Variants in BDNF observed in about 807,000 individuals in gnomAD.
BDNF encodes brain derived neurotrophic factor.
A neutral mutation model predicts 19.5 loss-of-function variants in BDNF; 1 was observed. The ratio of observed to expected loss-of-function variants is 0.05; its 90% CI spans 0.02 to 0.24. The LOEUF is 0.24. Ranked by LOEUF, BDNF falls within the 10% of genes least tolerant of loss-of-function variation. The pLI, the probability that BDNF is intolerant of heterozygous loss-of-function variation, is 1.00. For synonymous variants in BDNF, 100 were observed against 121.6 expected (o/e 0.82, Z 1.17); for missense variants, 195 against 317.6 (o/e 0.61, Z 2.93).
intron 1 of BDNF, among the ~76,000 whole-genome samples, chr11:27,708,623 A>G (rs1200209970): frequency 6.6e-6 from 1 of 152,102 alleles, no homozygotes; most frequent in Non-Finnish European, 1.5e-5. Context: ...TAAGAGCACA[A>G]TTTTAGAAGA....
At chr11:27,708,985 C>T (rs2134101675) in intron 1 of BDNF, among the ~76,000 whole-genome samples, 1 of 151,984 alleles carries the variant, frequency 6.6e-6, no homozygotes, top group East Asian at 1.9e-4. Context: ...TGCGCCACCA[C>T]ACTTGGCTCA....
At chr11:27,697,314 T>C (rs574603360) in intron 1 of BDNF, among the ~76,000 whole-genome samples, 60 of 152,340 alleles carry the variant, frequency 3.9e-4, no homozygotes, top group African/African-American at 1.4e-3. Context: ...GCTATTCATA[T>C]AAGAAATGAT....
chr11:27,694,950 T>C (rs1316691011), intron 1 of BDNF, among the ~76,000 whole-genome samples: 1 of 152,216 alleles, frequency 6.6e-6, no homozygotes, highest in Non-Finnish European at 1.5e-5. Context: ...ATGCTAGCCG[T>C]TGATTCCTGG....
intron 1 of BDNF, chr11:27,665,425 C>G (rs1590255267): frequency 6.6e-6 from 1 of 152,576 alleles, no homozygotes; most frequent in Admixed American, 6.5e-5. Flanking sequence ...GCTTGTCAGA[C>G]AGTGGGTACA....
At chr11:27,701,835 A>G (rs1308230314), upstream of BDNF, among the ~76,000 whole-genome samples, 2 of 152,210 alleles carry the variant, frequency 1.3e-5, no homozygotes, top group Non-Finnish European at 2.9e-5. Context: ...CCCAGCAAAC[A>G]CACGTATAAG....
At chr11:27,702,532 T>C (rs1232009037), upstream of BDNF, among the ~76,000 whole-genome samples, 1 of 152,196 alleles carries the variant, frequency 6.6e-6, no homozygotes, top group African/African-American at 2.4e-5. Flanking sequence ...TTGCGAAGAC[T>C]ATTGCTGTAA....
rs567499557 is a variant in BDNF at position 27,708,632 on chromosome 11, G to A, written c.3+12780C>T. ...TGTTTATAAGAGCACAATTTTAGAA[G>A]AGTAGTAATAAAAGTTAATCACAAA... On this transcript the variant is annotated intron_variant, in intron 1 of 1. Coordinates refer to the BDNF transcript ENST00000314915. Among the ~76,000 whole-genome samples the A allele has an allele frequency of 3.9e-5, 6 of 152,010 alleles. No homozygotes were observed. In the East Asian group the frequency reaches 9.7e-4, roughly 24 times the overall value.
intron 1 of BDNF, among the ~76,000 whole-genome samples, chr11:27,714,289 C>A (rs1860438403): frequency 6.6e-6 from 1 of 152,148 alleles, no homozygotes; most frequent in South Asian, 2.1e-4. Context: ...CCTTGGGCTA[C>A]CTGCTTCCTT....
At position 27,658,127 on chromosome 11, in the gene BDNF, C is replaced by T; in HGVS notation, c.438G>A (p.Glu146=). The stretch of plus-strand genomic sequence containing the variant: ...TCTTTTTGTCTGCCGCCGTTACCCA[C>T]TCACTAATACTGTCACACACGCTCA... The part of the protein sequence containing the change: ...GELSVCDSIS[E]WVTAADKKTA... The change falls in exon 2 of 2, where the codon GAG becomes GAA. Residue 146 remains glutamate, a synonymous_variant. Coordinates refer to ENST00000356660, the MANE Select transcript of BDNF (RefSeq NM_001709.5). The surrounding 1 kb of genome is among the most constrained non-coding windows in gnomAD (Gnocchi z 5.7). 6.2e-7 allele frequency: 1 copy of T among 1,614,192 alleles called. No homozygotes were observed.
At chr11:27,715,796 T>C (rs987803162) in intron 1 of BDNF, among the ~76,000 whole-genome samples, 2 of 152,136 alleles carry the variant, frequency 1.3e-5, no homozygotes, top group African/African-American at 4.8e-5. Flanking sequence ...ACTTTCCTCA[T>C]CTGTAAAAGG....
At chr11:27,693,127 A>T (rs1252048872) in intron 1 of BDNF, among the ~76,000 whole-genome samples, 1 of 152,196 alleles carries the variant, frequency 6.6e-6, no homozygotes, top group Non-Finnish European at 1.5e-5. Context: ...GATGTACCTA[A>T]AACAACTTAT....
intron 1 of BDNF, among the ~76,000 whole-genome samples, chr11:27,665,817 C>T (rs1854210077): frequency 6.6e-6 from 1 of 152,190 alleles, no homozygotes; most frequent in African/African-American, 2.4e-5. Flanking sequence ...GGCCTGCCTG[C>T]CTCTGTAGAC....
chr11:27,721,949 G>T (rs1860747225), exon 1 of BDNF: 1 of 154,540 alleles, frequency 6.5e-6, no homozygotes, highest in Admixed American at 6.4e-5. Context: ...TTCGGCTCGG[G>T]AGATTTCCCT....
chr11:27,694,810 C>G (rs1251388239), intron 1 of BDNF, among the ~76,000 whole-genome samples: 1 of 152,078 alleles, frequency 6.6e-6, no homozygotes, highest in Non-Finnish European at 1.5e-5. Flanking sequence ...TCTCTCTACT[C>G]AAATTATTTG....
chr11:27,672,073 A>G (rs1590303449), intron 1 of BDNF, among the ~76,000 whole-genome samples: 1 of 152,112 alleles, frequency 6.6e-6, no homozygotes, highest in East Asian at 1.9e-4. Flanking sequence ...TTTGTAATTT[A>G]TGTGGGAAAA....
chr11:27,700,740 A>C (rs1211416533), upstream of BDNF: 8 of 1,187,358 alleles, frequency 6.7e-6, no homozygotes, highest in Non-Finnish European at 8.5e-6. Context: ...CGCCTTGGAC[A>C]GGACGCCCGC....
intron 1 of BDNF, among the ~76,000 whole-genome samples, chr11:27,664,925 C>G (rs1650854500): frequency 6.6e-6 from 1 of 152,182 alleles, no homozygotes; most frequent in African/African-American, 2.4e-5. Context: ...CATCTCCAGT[C>G]TGTAACAAAG....
At chr11:27,670,704 A>G (rs1232029579) in intron 1 of BDNF, among the ~76,000 whole-genome samples, 2 of 152,218 alleles carry the variant, frequency 1.3e-5, no homozygotes, top group East Asian at 1.9e-4. Flanking sequence ...CAAAACCACA[A>G]TGAGATACCA....
chr11:27,712,757 C>T (rs557013324), intron 1 of BDNF, among the ~76,000 whole-genome samples: 2 of 151,618 alleles, frequency 1.3e-5, no homozygotes, highest in South Asian at 4.2e-4. Flanking sequence ...TCAAGTGATC[C>T]ACCCGCCTTG....
Sources: allele counts gnomAD v4.1 joint callset (sites outside exome capture counted in the v4.1 genomes callset), GRCh38; gene constraint gnomAD v4.1.1; non-coding constraint Gnocchi (gnomAD v3.1); transcripts MANE v1.5; gene names NCBI Gene and HGNC (gene_info 2026-07-23, HGNC 2026-07-21).